Variants in SHC3 observed in about 807,000 individuals in gnomAD.
SHC3 encodes SHC adaptor protein 3, also known as SHC-transforming protein 3.
Under a neutral mutation model 60.4 loss-of-function variants are expected in SHC3, and 15 were observed. The observed-to-expected ratio is 0.25, with a 90% CI of 0.17 to 0.38. The LOEUF (loss-of-function observed/expected upper bound fraction) is 0.38. SHC3 is among the 10% of genes least tolerant of loss of function. The pLI, the probability that SHC3 is intolerant of heterozygous loss-of-function variation, is 1.00. For synonymous variants in SHC3, 294 were observed against 325.9 expected, an observed-to-expected ratio of 0.90 and a Z score of 1.05; for missense variants, 677 against 786.1, an observed-to-expected ratio of 0.86 and a Z score of 1.66.
In SHC3 at chr9:89,009,555, C is replaced by T. The variant is rs184974425; in HGVS notation, c.*3892G>A. The T allele has an allele frequency of 6.6e-6, 1 of 152,238 alleles. No individual in the cohort carries two copies. Among genetic ancestry groups the T allele is most frequent in the Non-Finnish European group, 1.5e-5 (1 of 68,056 alleles). The allele number at this position is 152,238 out of a possible 1,614,324, so 9.4% of individuals were successfully genotyped here. On this transcript the variant is annotated 3_prime_UTR_variant, in exon 12 of 12. Transcript: ENST00000375835. Reference sequence around the variant, plus strand: ...GTTTCATATATTTGTCAATCCCCAGCACGCCCTCAAGCTGGGAACATGTAT... The same window carrying T: ...GTTTCATATATTTGTCAATCCCCAGTACGCCCTCAAGCTGGGAACATGTAT...
chr9:89,172,253 C>A (rs1333250374), intron 1 of SHC3, among the ~76,000 whole-genome samples: 1 of 152,170 alleles, frequency 6.6e-6, no homozygotes, highest in African/African-American at 2.4e-5. Flanking sequence ...GACTGCTCTG[C>A]AACTCTGACG....
intron 1 of SHC3, among the ~76,000 whole-genome samples, chr9:89,170,557 A>G (rs1826854730): frequency 2.6e-5 from 4 of 152,272 alleles, no homozygotes; most frequent in South Asian, 4.2e-4. Flanking sequence ...AGGAGGGAGG[A>G]TCGCTTGAGC....
intron 2 of SHC3, among the ~76,000 whole-genome samples, chr9:89,096,412 T>C (rs1012481891): frequency 2.0e-5 from 3 of 152,082 alleles, no homozygotes; most frequent in Non-Finnish European, 4.4e-5. Flanking sequence ...ACTAAGCAAA[T>C]GGATTGGAGG....
chr9:89,089,086 T>G (rs1319066072), intron 2 of SHC3, among the ~76,000 whole-genome samples: 1 of 152,204 alleles, frequency 6.6e-6, no homozygotes, highest in Non-Finnish European at 1.5e-5. Context: ...TGGCAGAATC[T>G]GCCTTCGAGA....
At chr9:89,177,397 T>C (rs1455155366) in intron 1 of SHC3, among the ~76,000 whole-genome samples, 1 of 152,188 alleles carries the variant, frequency 6.6e-6, no homozygotes, top group Non-Finnish European at 1.5e-5. Context: ...AACCAGAACC[T>C]TTCCTTAGGG....
chr9:89,054,899 G>A (rs1006197180), intron 6 of SHC3, among the ~76,000 whole-genome samples: 39 of 152,174 alleles, frequency 2.6e-4, no homozygotes, highest in Non-Finnish European at 4.6e-4. Flanking sequence ...ATTTTGCCCC[G>A]CCAATAAAAA....
At chr9:89,044,997 G>C (rs1317233391) in intron 9 of SHC3, among the ~76,000 whole-genome samples, 2 of 152,128 alleles carry the variant, frequency 1.3e-5, no homozygotes, top group African/African-American at 4.8e-5. Context: ...CTGAGTAAAG[G>C]GAAGGAGAAC....
chr9:89,095,735 C>G (rs1046284588), intron 2 of SHC3, among the ~76,000 whole-genome samples: 6 of 152,250 alleles, frequency 3.9e-5, no homozygotes, highest in African/African-American at 1.4e-4. Flanking sequence ...CAGCCTGACA[C>G]CCCCACCTCC....
chr9:89,162,540 A>G (rs537308227), intron 1 of SHC3, among the ~76,000 whole-genome samples: 6 of 152,220 alleles, frequency 3.9e-5, no homozygotes, highest in South Asian at 4.1e-4. Flanking sequence ...GGCTAGCCAT[A>G]TGTAGAAAGC....
At chr9:89,120,284 G>A (rs765229199) in intron 1 of SHC3, among the ~76,000 whole-genome samples, 2 of 152,046 alleles carry the variant, frequency 1.3e-5, no homozygotes. Flanking sequence ...AGCATGAAAA[G>A]GCAAGTGAAA....
intron 11 of SHC3, among the ~76,000 whole-genome samples, chr9:89,018,650 T>TA (rs888307830): frequency 1.4e-4 from 21 of 150,974 alleles, no homozygotes; most frequent in South Asian, 1.0e-3. Flanking sequence ...AAATGTTATT[T>TA]AAAAAAAACT....
chr9:89,131,194 C>T (rs1826239495), intron 1 of SHC3, among the ~76,000 whole-genome samples: 1 of 152,096 alleles, frequency 6.6e-6, no homozygotes, highest in Admixed American at 6.6e-5. Flanking sequence ...TACACCCTCC[C>T]AAGACTAAAC....
rs1461583304 is a variant in SHC3 at position 89,123,968 on chromosome 9, G to A, written c.475-11342C>T. 2.0e-5 allele frequency among the ~76,000 whole-genome samples: 3 copies of A among 152,052 alleles called. No homozygotes were observed. The South Asian group carries it at 6.2e-4, about 32-fold the overall frequency. On this transcript the variant is annotated intron_variant, in intron 1 of 11. Coordinates refer to ENST00000375835, the MANE Select transcript of SHC3 (RefSeq NM_016848.6). Reference sequence around the variant, plus strand: ...TAGGCATCTGGTACTGGGCAAAAAGGGTCTCTTAAATGACTTTAAAATATT... The same window carrying A: ...TAGGCATCTGGTACTGGGCAAAAAGAGTCTCTTAAATGACTTTAAAATATT...
chr9:89,150,601 T>G (rs1766189673), intron 1 of SHC3, among the ~76,000 whole-genome samples: 1 of 152,236 alleles, frequency 6.6e-6, no homozygotes, highest in Non-Finnish European at 1.5e-5. Context: ...TGTTCATCTA[T>G]TCAGCAATTG....
At chr9:89,149,954 G>A (rs890577639) in intron 1 of SHC3, among the ~76,000 whole-genome samples, 1 of 152,058 alleles carries the variant, frequency 6.6e-6, no homozygotes, top group Non-Finnish European at 1.5e-5. Context: ...CCATCCCTTA[G>A]TCACTTAGTA....
intron 11 of SHC3, among the ~76,000 whole-genome samples, chr9:89,028,996 T>C (rs920640060): frequency 1.3e-5 from 2 of 149,052 alleles, no homozygotes; most frequent in South Asian, 2.1e-4. Context: ...GATATCTATA[T>C]AGATATCTAT....
At chr9:89,019,809 T>C (rs999158672) in intron 11 of SHC3, among the ~76,000 whole-genome samples, 2 of 152,212 alleles carry the variant, frequency 1.3e-5, no homozygotes, top group South Asian at 2.1e-4. Flanking sequence ...CTCAATATTG[T>C]CAAGGTGTCA....
chr9:89,093,500 C>T (rs1825655677), intron 2 of SHC3, among the ~76,000 whole-genome samples: 1 of 147,968 alleles, frequency 6.8e-6, no homozygotes, highest in South Asian at 2.1e-4. Flanking sequence ...ATATTTCCAG[C>T]ACATACAAAA....
At chr9:89,054,417 T>C (rs1044170530) in intron 6 of SHC3, among the ~76,000 whole-genome samples, 2 of 152,188 alleles carry the variant, frequency 1.3e-5, no homozygotes, top group African/African-American at 4.8e-5. Context: ...ATTCCTTCTA[T>C]AAAATGGCCT....
Sources: allele counts gnomAD v4.1 joint callset (sites outside exome capture counted in the v4.1 genomes callset), GRCh38; gene constraint gnomAD v4.1.1; transcripts MANE v1.5; gene names NCBI Gene and HGNC (gene_info 2026-07-23, HGNC 2026-07-21).